Variants in SH2B1 observed in about 807,000 individuals in gnomAD.
SH2B1 encodes SH2B adaptor protein 1.
Under a neutral mutation model 62.6 loss-of-function variants are expected in SH2B1, and 15 were observed. The observed-to-expected ratio is 0.24, with a 90% CI of 0.16 to 0.37. The LOEUF (loss-of-function observed/expected upper bound fraction) is 0.37. SH2B1 is among the 10% of genes least tolerant of loss of function. The probability of loss-of-function intolerance (pLI) is 1.00; values close to 1 mark genes in which losing one functional copy is unlikely to be tolerated. For missense variants in SH2B1, 925 were observed against 1,015.6 expected (o/e 0.91, Z 1.21); for synonymous variants, 443 against 438.0 (o/e 1.01, Z -0.14).
At chr16:28,867,672 A>G (rs1962795620) in intron 2 of SH2B1, among the ~76,000 whole-genome samples, 2 of 152,176 alleles carry the variant, frequency 1.3e-5, no homozygotes, top group South Asian at 4.1e-4. Flanking sequence ...GTTGTTTTAG[A>G]GAGACAGGGT....
At position 28,852,807 on chromosome 16, in the gene SH2B1, TACATATATTTAC is replaced by T. The variant is rs1962190069; in HGVS notation, c.-301+5982_-301+5993del. The stretch of plus-strand genomic sequence containing the variant: ...TTACATATATATTTACATATATATT[TACATATATTTAC>T]ATATATATTTATATATATATACATA... On this transcript the variant is annotated intron_variant, in intron 1 of 10. Transcript: ENST00000322610. Among the ~76,000 whole-genome samples the T allele has an allele frequency of 3.5e-5, 2 of 56,774 alleles. 1 individual carries two copies. The highest frequency in any genetic ancestry group is 5.5e-5 in the Non-Finnish European group (2 of 36,268). The allele number at this position is 56,774 out of a possible 152,430, so 37.2% of individuals were successfully genotyped here.
rs200453189 is a variant in SH2B1 at position 28,852,207 on chromosome 16, CAT to C, written c.-301+5389_-301+5390del. On this transcript the variant is annotated intron_variant, in intron 1 of 10. Transcript: ENST00000322610. ...ATATATATTTTTATTTATATATTTA[CAT>C]ATATATATTTACATATATATTTACA... Among the ~76,000 whole-genome samples, 193 of 83,642 alleles carry C rather than the reference CAT, an allele frequency of 2.3e-3. 2 individuals are homozygous for C. Among genetic ancestry groups the C allele is most frequent in the African/African-American group, 9.6e-3 (168 of 17,478 alleles). The allele number at this position is 83,642 out of a possible 152,430, so 54.9% of individuals were successfully genotyped here.
chr16:28,852,269 TA>T (rs1266546452), intron 1 of SH2B1, among the ~76,000 whole-genome samples: 6 of 84,928 alleles, frequency 7.1e-5, no homozygotes, highest in African/African-American at 2.8e-4. Flanking sequence ...TACATATATA[TA>T]TTTACATATA....
At position 28,871,798 on chromosome 16, in the gene SH2B1, C is replaced by T. The variant is rs769661362; in HGVS notation, c.1328C>T (p.Ser443Leu). 5.6e-6 allele frequency: 9 copies of T among 1,613,996 alleles called. No homozygotes were observed. The highest frequency in any genetic ancestry group is 7.6e-6 in the Non-Finnish European group (9 of 1,179,898). ...RLSQGAYGGL[S>L]DRPSASISPS... ...TTTCCAGGGGCATATGGGGGCCTCTCAGACCGCCCCTCGGCATCCATCTCC... is the reference window on the plus strand; with the variant it reads ...TTTCCAGGGGCATATGGGGGCCTCTTAGACCGCCCCTCGGCATCCATCTCC... The change falls in exon 5 of 8, where the codon TCA becomes TTA. Residue 443 changes from serine (S) to leucine (L), a missense_variant. Coordinates refer to ENST00000684370, the MANE Select transcript of SH2B1 (RefSeq NM_001387430.1).
chr16:28,864,818 C>T lies in SH2B1; in HGVS notation c.-1277C>T, dbSNP rs1170600808. On this transcript the variant is annotated 5_prime_UTR_variant, in exon 1 of 8. Transcript: ENST00000684370. ...TTTAGAAAATTGGAACAATAATATT[C>T]TTCTCCCACATGAAGATAGTAACAA... 2 of 314,484 alleles carry T rather than the reference C, an allele frequency of 6.4e-6. No individual in the cohort carries two copies. Among genetic ancestry groups the T allele is most frequent in the African/African-American group, 2.3e-5 (1 of 44,384 alleles). The allele number at this position is 314,484 out of a possible 1,614,324, so 19.5% of individuals were successfully genotyped here. A position where few individuals can be genotyped will look rare whatever the true frequency, so the allele number is the denominator to read the frequency against.
rs759456328 is a variant in SH2B1 at position 28,866,830 on chromosome 16, A to G, written c.736A>G (p.Met246Val). 32 of 1,596,686 alleles carry G rather than the reference A, an allele frequency of 2.0e-5. No individual in the cohort carries two copies. The Middle Eastern group carries it at 5.0e-4, about 25-fold the overall frequency. The change falls in exon 1 of 8, where the codon ATG (methionine) becomes GTG (valine). Residue 246 changes from methionine (M) to valine (V), a missense_variant. Met to Val is a conservative substitution (Grantham distance 21, BLOSUM62 1). Transcript: ENST00000684370. The surrounding 1 kb of genome is among the most constrained non-coding windows in gnomAD (Gnocchi z 6.3). The part of the protein sequence containing the change: ...GGGALKDGAG[M>V]VQREELLSFM... ...GGGCGCCTTGAAGGATGGAGCAGGGATGGTGCAGAGGGAAGAGCTGCTGAG... is the reference window on the plus strand; with the variant it reads ...GGGCGCCTTGAAGGATGGAGCAGGGGTGGTGCAGAGGGAAGAGCTGCTGAG...
At chr16:28,854,236 G>A (rs1371685217) in intron 1 of SH2B1, among the ~76,000 whole-genome samples, 1 of 151,912 alleles carries the variant, frequency 6.6e-6, no homozygotes, top group Non-Finnish European at 1.5e-5. Context: ...AGGAGGTCGA[G>A]GCTGCAATGA....
intron 1 of SH2B1, 141 bp from the exon 2 acceptor site, chr16:28,867,190 G>A (rs1012799257): frequency 4.6e-5 from 57 of 1,248,552 alleles, no homozygotes; most frequent in Admixed American, 7.2e-5. Flanking sequence ...GTTAGCAGCT[G>A]CGGGCAGGAC....
chr16:28,854,916 C>T (rs376437776), intron 1 of SH2B1, among the ~76,000 whole-genome samples: 1 of 152,258 alleles, frequency 6.6e-6, no homozygotes, highest in African/African-American at 2.4e-5. Context: ...CGTTCTGTCG[C>T]CCAGGCTGGA....
At chr16:28,863,817 G>A, upstream of SH2B1, 1 of 1,534,904 alleles carries the variant, frequency 6.5e-7, no homozygotes, top group Non-Finnish European at 8.7e-7. Context: ...TTCAGCGACG[G>A]GAAAGGGGGT....
chr16:28,871,654 C>T, intron 4 of SH2B1, 126 bp from the exon 5 acceptor site: 1 of 742,548 alleles, frequency 1.3e-6, no homozygotes. Context: ...TCACTACCCA[C>T]AGAGCTGTTT....
rs1567458640 is a variant in SH2B1, at chr16:28,852,473, TATATATTTATATATACATAC to T, written c.-301+5662_-301+5681del. On this transcript the variant is annotated intron_variant, in intron 1 of 10. Transcript: ENST00000322610. Reference sequence around the variant, plus strand: ...TTACATATATATTTATATATATACATATATATTTATATATACATACATATATTTATATATATACACATATA... The same window carrying T: ...TTACATATATATTTATATATATACATATATATTTATATATATACACATATA... Among the ~76,000 whole-genome samples the T allele has an allele frequency of 2.3e-4, 18 of 77,194 alleles. 7 individuals carry two copies. Among genetic ancestry groups the T allele is most frequent in the East Asian group, 1.3e-3 (4 of 3,048 alleles). The allele number at this position is 77,194 out of a possible 152,430, so 50.6% of individuals were successfully genotyped here. A position where few individuals can be genotyped will look rare whatever the true frequency, so the allele number is the denominator to read the frequency against.
chr16:28,852,362 ATT>A (rs1329984241), intron 1 of SH2B1, among the ~76,000 whole-genome samples: 4 of 88,018 alleles, frequency 4.5e-5, no homozygotes, highest in Non-Finnish European at 7.7e-5. Flanking sequence ...TTATATATAT[ATT>A]TATATATATT....
Position 28,873,091 on chromosome 16 carries a change from A to G in SH2B1, c.1898-356A>G, listed in dbSNP as rs1304338453. The G allele has an allele frequency of 9.6e-6, 9 of 934,654 alleles. No individual in the cohort carries two copies. The highest frequency in any genetic ancestry group is 2.8e-5 in the Admixed American group (1 of 35,590). 57.9% of individuals were successfully genotyped at this position (934,654 alleles called of 1,614,324 possible). On this transcript the variant is annotated intron_variant, in intron 7 of 7. Coordinates refer to ENST00000684370, the MANE Select transcript of SH2B1 (RefSeq NM_001387430.1). This position sits in a 1 kb window ranked among gnomAD's most constrained non-coding sequence, Gnocchi z 4.2. ...TCTGATCCCCTTCCCTCCTCCCTCA[A>G]TGTCTCATGTCCCTGTCTGATCTCT...
intron 1 of SH2B1, among the ~76,000 whole-genome samples, chr16:28,854,969 G>C (rs1337976477): frequency 6.6e-6 from 1 of 151,966 alleles, no homozygotes; most frequent in East Asian, 1.9e-4. Flanking sequence ...TCCATCTCCT[G>C]GGTTCAAGCG....
chr16:28,873,827 C>T lies in SH2B1; in HGVS notation c.*7C>T, dbSNP rs1963186425. 2 of 1,427,832 alleles carry T rather than the reference C, an allele frequency of 1.4e-6. No homozygotes were observed. Among genetic ancestry groups the T allele is most frequent in the South Asian group, 1.5e-5 (1 of 64,976 alleles). The allele number at this position is 1,427,832 out of a possible 1,614,324, so 88.4% of individuals were successfully genotyped here. A position where few individuals can be genotyped will look rare whatever the true frequency, so the allele number is the denominator to read the frequency against. On this transcript the variant is annotated 3_prime_UTR_variant, in exon 8 of 8. Coordinates refer to ENST00000684370, the MANE Select transcript of SH2B1 (RefSeq NM_001387430.1). The surrounding 1 kb of genome is among the most constrained non-coding windows in gnomAD (Gnocchi z 4.2). ...CCAGTACTCCTTCGTGTGAGCCAAC[C>T]CCACCCGCTCCACCCTTTTTAAACC... is the stretch of plus-strand genomic sequence containing the variant.
intron 4 of SH2B1, among the ~76,000 whole-genome samples, chr16:28,869,787 T>C (rs1962933958): frequency 6.6e-6 from 1 of 152,210 alleles, no homozygotes; most frequent in South Asian, 2.1e-4. Flanking sequence ...CTCTGTACTT[T>C]TTGGTCTGAC....
chr16:28,851,459 C>CT (rs369515117), intron 1 of SH2B1, among the ~76,000 whole-genome samples: 2,295 of 138,500 alleles, frequency 0.017, 28 homozygotes, highest in Middle Eastern at 0.036. Context: ...CGCCTTTCTT[C>CT]TTTTTTTTTT....
Position 28,866,746 on chromosome 16 carries a change from A to G in SH2B1, c.652A>G (p.Thr218Ala). The change falls in exon 1 of 8, where the codon ACG becomes GCG. Residue 218 changes from threonine to alanine, a missense_variant. Thr to Ala is a moderately conservative substitution (Grantham distance 58). This residue lies in a region of SH2B1 where 683 missense variants were observed against 704.0 expected (regional missense o/e 0.97). Transcript: ENST00000684370. This position sits in a 1 kb window ranked among gnomAD's most constrained non-coding sequence, Gnocchi z 6.3. ...TGGTAGGGGACTGGTCAGTGATGGA[A>G]CGTCCCCTGGGGAAAGATGGACTCA... ...TVGRGLVSDG[T>A]SPGERWTHRF... 1 of 1,579,168 alleles carries G rather than the reference A, an allele frequency of 6.3e-7. No homozygotes were observed. Among genetic ancestry groups the G allele is most frequent in the Non-Finnish European group, 8.6e-7 (1 of 1,163,612 alleles).
Sources: allele counts gnomAD v4.1 joint callset (sites outside exome capture counted in the v4.1 genomes callset), GRCh38; gene constraint gnomAD v4.1.1; regional missense constraint gnomAD v4.1.1; non-coding constraint Gnocchi (gnomAD v3.1); transcripts MANE v1.5; gene names NCBI Gene and HGNC (gene_info 2026-07-23, HGNC 2026-07-21).